RTL4: variants seen among roughly 807,000 people sequenced by gnomAD.
RTL4 encodes retrotransposon Gag-like protein 4.
Under a neutral mutation model 5.3 loss-of-function variants are expected in RTL4, and 4 were observed. The observed-to-expected ratio is 0.75, with a 90% CI of 0.37 to 1.72. The LOEUF (loss-of-function observed/expected upper bound fraction) is 1.72, where lower values mean the gene tolerates loss of function less well. Ranked by LOEUF, RTL4 falls within the 40% of genes most tolerant of loss-of-function variation. The pLI is 0.04. For synonymous variants in RTL4, 98 were observed against 87.3 expected (o/e 1.12, Z -0.68); for missense variants, 260 against 227.1 (o/e 1.14, Z -0.93).
At chrX:112,450,183 T>G (rs147635239), upstream of RTL4, among the ~76,000 whole-genome samples, 212 of 112,427 alleles carry the variant, frequency 1.9e-3, 1 homozygote, top group African/African-American at 6.7e-3. Context: ...CTGCTGACTC[T>G]TCTCCAAATG....
the RTL4 span, among the ~76,000 whole-genome samples, chrX:112,320,783 G>A: frequency 9.0e-6 from 1 of 111,295 alleles, no homozygotes; most frequent in Non-Finnish European, 1.9e-5. Flanking sequence ...TAACACAAAT[G>A]ACTTAAATTC....
At chrX:112,182,848 C>T in the RTL4 span, among the ~76,000 whole-genome samples, 4 of 111,451 alleles carry the variant, frequency 3.6e-5, no homozygotes, top group African/African-American at 1.3e-4. Flanking sequence ...ACAGCAACCA[C>T]AAGGCACATA....
At chrX:112,375,626 A>C in the RTL4 span, among the ~76,000 whole-genome samples, 1 of 111,366 alleles carries the variant, frequency 9.0e-6, no homozygotes, top group African/African-American at 3.3e-5. Flanking sequence ...TACCCTCTTC[A>C]AGGCATCTAT....
At chrX:112,241,451 G>A in the RTL4 span, among the ~76,000 whole-genome samples, 1 of 112,256 alleles carries the variant, frequency 8.9e-6, no homozygotes, top group African/African-American at 3.2e-5. Context: ...CAGTGATGAT[G>A]AGCATTTTTT....
chrX:112,242,217 T>C, the RTL4 span, among the ~76,000 whole-genome samples: 14 of 112,140 alleles, frequency 1.2e-4, no homozygotes, highest in Non-Finnish European at 2.4e-4. Flanking sequence ...AAGTAGTTTT[T>C]TCCAATTCTG....
the RTL4 span, among the ~76,000 whole-genome samples, chrX:112,100,243 G>A: frequency 0.023 from 2,615 of 111,875 alleles, 34 homozygotes; most frequent in Non-Finnish European, 0.035. Flanking sequence ...TGCAGTGGTG[G>A]GAGCAGACAT....
chrX:112,264,316 T>C, the RTL4 span, among the ~76,000 whole-genome samples: 1 of 111,564 alleles, frequency 9.0e-6, no homozygotes, highest in Non-Finnish European at 1.9e-5. Flanking sequence ...GTTATTGAGG[T>C]AGATAATATT....
the RTL4 span, among the ~76,000 whole-genome samples, chrX:112,314,729 C>T: frequency 9.0e-6 from 1 of 110,659 alleles, no homozygotes. Flanking sequence ...TCTTTAGAAA[C>T]ATAAAGCATT....
At chrX:112,125,850 C>T in the RTL4 span, among the ~76,000 whole-genome samples, 1 of 111,922 alleles carries the variant, frequency 8.9e-6, no homozygotes, top group African/African-American at 3.2e-5. Flanking sequence ...AGGCCAACAT[C>T]TACGATAACA....
chrX:112,305,844 A>G, the RTL4 span, among the ~76,000 whole-genome samples: 1 of 111,874 alleles, frequency 8.9e-6, no homozygotes, highest in African/African-American at 3.2e-5. Context: ...GCGAAGCTGC[A>G]CTAGAATTAG....
chrX:112,380,856 C>T, the RTL4 span, among the ~76,000 whole-genome samples: 1 of 111,745 alleles, frequency 8.9e-6, no homozygotes, highest in African/African-American at 3.3e-5. Context: ...ATCTCTGCAG[C>T]CTGGGAGGGC....
the RTL4 span, among the ~76,000 whole-genome samples, chrX:112,105,491 T>G: frequency 9.0e-6 from 1 of 111,461 alleles, no homozygotes; most frequent in East Asian, 2.8e-4. Context: ...TATGGAGATT[T>G]TAACAAGACT....
the RTL4 span, among the ~76,000 whole-genome samples, chrX:112,092,843 T>C: frequency 2.7e-5 from 3 of 111,773 alleles, no homozygotes; most frequent in Non-Finnish European, 1.9e-5. Context: ...CATTCTGCCA[T>C]GATTGTGAGG....
chrX:112,190,871 G>A, the RTL4 span, among the ~76,000 whole-genome samples: 1 of 111,710 alleles, frequency 9.0e-6, no homozygotes, highest in South Asian at 3.8e-4. Context: ...AATTGATGGT[G>A]GTAACTCGGT....
the RTL4 span, among the ~76,000 whole-genome samples, chrX:112,329,816 C>G: frequency 9.0e-6 from 1 of 111,347 alleles, no homozygotes; most frequent in African/African-American, 3.3e-5. Flanking sequence ...CCACCAAGAT[C>G]AAGGTGGCTT....
chrX:112,384,666 T>G, the RTL4 span, among the ~76,000 whole-genome samples: 31 of 111,896 alleles, frequency 2.8e-4, no homozygotes, highest in African/African-American at 9.4e-4. Flanking sequence ...TTGTTCTTTT[T>G]GCTTAGGATT....
chrX:112,141,046 C>T, the RTL4 span, among the ~76,000 whole-genome samples: 2 of 111,980 alleles, frequency 1.8e-5, no homozygotes, highest in Admixed American at 1.9e-4. Flanking sequence ...GATTCTATCT[C>T]AGAAATGCAG....
chrX:112,433,001 T>A, the RTL4 span, among the ~76,000 whole-genome samples: 19 of 97,109 alleles, frequency 2.0e-4, no homozygotes, highest in East Asian at 7.2e-4. Flanking sequence ...CCTTTCCCCA[T>A]TTCTTGTTTT....
At chrX:112,233,474 C>G in the RTL4 span, among the ~76,000 whole-genome samples, 1 of 110,874 alleles carries the variant, frequency 9.0e-6, no homozygotes, top group African/African-American at 3.3e-5. Context: ...CTCAGTCTAG[C>G]CATGACTGAG....
Sources: allele counts gnomAD v4.1 joint callset (sites outside exome capture counted in the v4.1 genomes callset), GRCh38; gene constraint gnomAD v4.1.1; transcripts MANE v1.5; gene names NCBI Gene and HGNC (gene_info 2026-07-23, HGNC 2026-07-21).